ZNF658: variants seen among roughly 807,000 people sequenced by gnomAD.
ZNF658 encodes the protein zinc finger protein 658.
In ZNF658, 46 loss-of-function variants were observed where a neutral mutation model predicts 78.0. The observed-to-expected ratio is 0.59, with a 90% CI of 0.47 to 0.75. The LOEUF (loss-of-function observed/expected upper bound fraction) is 0.75. ZNF658 is among the 30% of genes least tolerant of loss of function. The pLI is 0.00. For missense variants in ZNF658, 785 were observed against 1,189.3 expected (o/e 0.66, Z 5.00); for synonymous variants, 279 against 408.4 (o/e 0.68, Z 3.82).
chr9:66,904,908 C>A (rs1822036986), intron 2 of ZNF658, among the ~76,000 whole-genome samples: 1 of 151,854 alleles, frequency 6.6e-6, no homozygotes, highest in South Asian at 2.1e-4. Flanking sequence ...TATGTCATCC[C>A]ATTGCCCTCT....
intron 2 of ZNF658, among the ~76,000 whole-genome samples, chr9:66,905,368 C>T (rs949799159): frequency 8.1e-5 from 12 of 148,942 alleles, no homozygotes; most frequent in East Asian, 6.0e-4. Context: ...CTGCTCCCAG[C>T]GAGTGTGGAT....
chr9:66,931,439 C>CTAA (rs1564180222), intron 6 of ZNF658, among the ~76,000 whole-genome samples: 4 of 152,028 alleles, frequency 2.6e-5, no homozygotes, highest in Non-Finnish European at 5.9e-5. Context: ...ACATGCTTAG[C>CTAA]CTCTCTGTAA....
At chr9:66,929,114 TA>T (rs1403997440) in intron 6 of ZNF658, among the ~76,000 whole-genome samples, 13 of 152,046 alleles carry the variant, frequency 8.6e-5, no homozygotes, top group African/African-American at 2.9e-4. Flanking sequence ...TTAAACTCAG[TA>T]AAAATGAATA....
chr9:66,911,515 C>A, intron 4 of ZNF658, among the ~76,000 whole-genome samples: 1 of 93,834 alleles, frequency 1.1e-5, no homozygotes, highest in Non-Finnish European at 2.1e-5. Context: ...AGAACAGCAT[C>A]AAAAATACAA....
At chr9:66,905,497 C>T (rs1822059354) in intron 2 of ZNF658, among the ~76,000 whole-genome samples, 1 of 151,676 alleles carries the variant, frequency 6.6e-6, no homozygotes, top group Non-Finnish European at 1.5e-5. Flanking sequence ...TTGTTTTAGA[C>T]CCTTTCTGTC....
chr9:66,908,369 G>A lies in ZNF658; in HGVS notation c.142+5G>A, dbSNP rs768977482. 7 of 1,613,874 alleles carry A rather than the reference G, an allele frequency of 4.3e-6. No individual in the cohort carries two copies. Among genetic ancestry groups the A allele is most frequent in the Non-Finnish European group, 5.9e-6 (7 of 1,179,980 alleles). The stretch of plus-strand genomic sequence containing the variant: ...ACAGCCACCTCATCTCAGTGGGTGA[G>A]CATAGCTTACCATGGGGCTCTCTCG... On this transcript the variant is annotated splice_donor_5th_base_variant and intron_variant, in intron 3 of 4. Coordinates refer to ENST00000621410, the MANE Select transcript of ZNF658 (RefSeq NM_033160.7).
intron 4 of ZNF658, among the ~76,000 whole-genome samples, chr9:66,914,794 G>A (rs1198492258): frequency 2.0e-5 from 3 of 151,942 alleles, no homozygotes; most frequent in Non-Finnish European, 4.4e-5. Context: ...CATTATCTAT[G>A]TTTATATATT....
At chr9:66,907,365 T>C (rs1822103078) in intron 2 of ZNF658, among the ~76,000 whole-genome samples, 1 of 152,058 alleles carries the variant, frequency 6.6e-6, no homozygotes, top group Non-Finnish European at 1.5e-5. Context: ...GATACCAGTT[T>C]TGGCACCACC....
At chr9:66,905,584 T>A (rs879786921) in intron 2 of ZNF658, among the ~76,000 whole-genome samples, 4 of 148,468 alleles carry the variant, frequency 2.7e-5, no homozygotes, top group Non-Finnish European at 4.5e-5. Flanking sequence ...TATTTTTCCT[T>A]CTGTTTCTCA....
chr9:66,901,995 C>T (rs1821963351), intron 1 of ZNF658, among the ~76,000 whole-genome samples: 1 of 152,130 alleles, frequency 6.6e-6, no homozygotes, highest in Non-Finnish European at 1.5e-5. Flanking sequence ...AAAGAAGAGG[C>T]AGGCAAAGTC....
chr9:66,915,410 AAG>A (rs1301075534), intron 4 of ZNF658, among the ~76,000 whole-genome samples: 2 of 151,194 alleles, frequency 1.3e-5, no homozygotes, highest in Admixed American at 6.6e-5. Context: ...AAAAAAAAAA[AAG>A]AGAGAGACTA....
chr9:66,902,125 A>G (rs1821966001), intron 1 of ZNF658, among the ~76,000 whole-genome samples: 1 of 150,974 alleles, frequency 6.6e-6, no homozygotes, highest in Non-Finnish European at 1.5e-5. Context: ...TGGATAGCAC[A>G]TTTCTAGTGA....
intron 4 of ZNF658, among the ~76,000 whole-genome samples, chr9:66,915,533 G>A (rs778960134): frequency 0.013 from 1,961 of 151,374 alleles, 27 homozygotes; most frequent in Admixed American, 0.02. Flanking sequence ...CAAGAACACA[G>A]TCATGTTGGC....
chr9:66,904,674 T>C (rs1822032674), intron 2 of ZNF658, among the ~76,000 whole-genome samples: 1 of 152,152 alleles, frequency 6.6e-6, no homozygotes, highest in African/African-American at 2.4e-5. Flanking sequence ...AAAGAAGCTG[T>C]GTACACTGTA....
At chr9:66,914,577 T>C (rs1172312942) in intron 4 of ZNF658, among the ~76,000 whole-genome samples, 2 of 152,062 alleles carry the variant, frequency 1.3e-5, no homozygotes, top group Non-Finnish European at 2.9e-5. Flanking sequence ...ATGTTAGTTA[T>C]AGGCTTTTTA....
rs1415623796 is a variant in ZNF658 at position 66,917,932 on chromosome 9, A to G, written c.366A>G (p.Pro122=). ...AAGGACAGAAAGTTTTAGAAAAACC[A>G]TTTAATCTGGAAATAGCTCCAGAGC... ...SKEGQKVLEK[P]FNLEIAPELS... The change falls in exon 5 of 5, where the codon CCA becomes CCG. Residue 122 remains proline (P), a synonymous_variant. Transcript: ENST00000621410. 5 of 1,611,018 alleles carry G rather than the reference A, an allele frequency of 3.1e-6. No individual in the cohort carries two copies. The highest frequency in any genetic ancestry group is 1.3e-5 in the African/African-American group (1 of 74,610).
intron 1 of ZNF658, chr9:66,901,111 A>G (rs1282783205): frequency 6.6e-6 from 1 of 152,212 alleles, no homozygotes; most frequent in Non-Finnish European, 1.5e-5. Flanking sequence ...TATTCTGAAA[A>G]TTAAATAAGT....
chr9:66,908,543 A>C (rs530399993), intron 3 of ZNF658, 96 bp from the exon 4 acceptor site: 1 of 1,468,844 alleles, frequency 6.8e-7, no homozygotes, highest in African/African-American at 1.4e-5. Context: ...ATTTCAAATG[A>C]ACACCCTCAG....
Position 66,910,779 on chromosome 9 carries a change from G to C in ZNF658, c.238+2045G>C, listed in dbSNP as rs1346311024. On this transcript the variant is annotated intron_variant, in intron 4 of 4. Transcript: ENST00000621410. ...CCACTGCACTCCGGCCTGGGCAAAAGAGCGAGACTCAGTCCCAAAAAATTA... is the reference window on the plus strand; with the variant it reads ...CCACTGCACTCCGGCCTGGGCAAAACAGCGAGACTCAGTCCCAAAAAATTA... Among the ~76,000 whole-genome samples, 13 of 137,158 alleles carry C rather than the reference G, an allele frequency of 9.5e-5. 1 individual carries two copies. The highest frequency in any genetic ancestry group is 7.9e-5 in the Admixed American group (1 of 12,614). The allele number at this position is 137,158 out of a possible 152,430, so 90.0% of individuals were successfully genotyped here.
Sources: gnomAD v4.1 joint callset for allele counts (sites outside exome capture counted in the v4.1 genomes callset) on GRCh38, gnomAD v4.1.1 for gene constraint, MANE v1.5 for transcripts, NCBI Gene and HGNC (gene_info 2026-07-23, HGNC 2026-07-21) for gene names.